Variants in DLGAP2 observed in about 807,000 individuals in gnomAD.
DLGAP2 encodes the protein disks large-associated protein 2.
Under a neutral mutation model 100.3 loss-of-function variants are expected in DLGAP2, and 26 were observed. That is an observed-to-expected ratio of 0.26 (90% CI 0.19 to 0.36). The LOEUF (loss-of-function observed/expected upper bound fraction) is 0.36. Ranked by LOEUF, DLGAP2 falls within the 10% of genes least tolerant of loss-of-function variation. The pLI is 1.00. For missense variants in DLGAP2, 1,858 were observed against 1,453.2 expected (o/e 1.28, Z -4.53); for synonymous variants, 886 against 630.1 (o/e 1.41, Z -6.08).
chr8:1,216,893 T>C (rs952341561), intron 2 of DLGAP2, among the ~76,000 whole-genome samples: 1 of 152,180 alleles, frequency 6.6e-6, no homozygotes, highest in South Asian at 2.1e-4. Context: ...AGGTGTTTAA[T>C]CCCCACACAG....
intron 2 of DLGAP2, chr8:1,032,648 A>C (rs936700876): frequency 3.3e-5 from 5 of 152,334 alleles, no homozygotes; most frequent in African/African-American, 1.2e-4. Flanking sequence ...GTGGACAAGG[A>C]GGAAATATTT....
intron 3 of DLGAP2, among the ~76,000 whole-genome samples, chr8:1,451,623 G>A (rs1334424576): frequency 1.3e-5 from 2 of 151,816 alleles, no homozygotes; most frequent in Admixed American, 6.6e-5. Context: ...GCTTCCCTCC[G>A]CCTCTGTTGC....
intron 2 of DLGAP2, among the ~76,000 whole-genome samples, chr8:971,144 C>T (rs1800004307): frequency 3.9e-5 from 6 of 152,118 alleles, no homozygotes; most frequent in Admixed American, 3.9e-4. Context: ...GTTTCGAGGA[C>T]ACCATCCGGA....
chr8:1,281,420 C>T (rs961479170), intron 3 of DLGAP2, among the ~76,000 whole-genome samples: 1 of 152,178 alleles, frequency 6.6e-6, no homozygotes, highest in African/African-American at 2.4e-5. Context: ...GCTTACAGCT[C>T]AATGCTCAGT....
At chr8:1,666,655 G>A (rs1798551199) in intron 8 of DLGAP2, among the ~76,000 whole-genome samples, 1 of 151,748 alleles carries the variant, frequency 6.6e-6, no homozygotes, top group South Asian at 2.1e-4. Flanking sequence ...ACTCCAGCCT[G>A]GGCAACAGAG....
Position 1,239,937 on chromosome 8 carries a change from C to G in DLGAP2, c.74-18914C>G, listed in dbSNP as rs375632254. On this transcript the variant is annotated intron_variant, in intron 2 of 14. Transcript: ENST00000637795. ...CTCACATGGCACCGTGTCTAGTTCT[C>G]TCACATGTTGCCGTGTCTAGTTCTC... Among the ~76,000 whole-genome samples the G allele has an allele frequency of 6.3e-5, 9 of 143,392 alleles. 1 individual carries two copies. The East Asian group carries it at 1.1e-3, about 17-fold the overall frequency. 94.1% of individuals were successfully genotyped at this position (143,392 alleles called of 152,430 possible). A position where few individuals can be genotyped will look rare whatever the true frequency, so the allele number is the denominator to read the frequency against.
At chr8:1,640,243 G>T (rs1258045696) in intron 8 of DLGAP2, among the ~76,000 whole-genome samples, 6 of 152,150 alleles carry the variant, frequency 3.9e-5, no homozygotes, top group Non-Finnish European at 8.8e-5. Context: ...GGCTCGGGCT[G>T]ATGGACGCTG....
At chr8:1,472,693 C>T (rs1798834481) in intron 3 of DLGAP2, among the ~76,000 whole-genome samples, 1 of 152,142 alleles carries the variant, frequency 6.6e-6, no homozygotes, top group South Asian at 2.1e-4. Flanking sequence ...AGCTGCCAGC[C>T]AGCCACAGTG....
chr8:783,753 C>G (rs1445484812), intron 1 of DLGAP2, among the ~76,000 whole-genome samples: 1 of 152,174 alleles, frequency 6.6e-6, no homozygotes, highest in South Asian at 2.1e-4. Flanking sequence ...TACCCTCCCA[C>G]CACATCCGGA....
intron 1 of DLGAP2, among the ~76,000 whole-genome samples, chr8:754,465 TG>T (rs1264265150): frequency 2.0e-5 from 3 of 152,226 alleles, no homozygotes; most frequent in African/African-American, 7.2e-5. Context: ...CAGTGAGCTT[TG>T]CTTAGAAACA....
At chr8:1,226,937 G>C (rs114583112) in intron 2 of DLGAP2, among the ~76,000 whole-genome samples, 35 of 151,824 alleles carry the variant, frequency 2.3e-4, no homozygotes, top group African/African-American at 8.5e-4. Flanking sequence ...AACAATTATG[G>C]AAAACAGTAT....
At chr8:954,296 C>G (rs1291696101) in intron 2 of DLGAP2, among the ~76,000 whole-genome samples, 1 of 152,162 alleles carries the variant, frequency 6.6e-6, no homozygotes, top group South Asian at 2.1e-4. Context: ...AATAGAACCC[C>G]AGAACCTGTT....
intron 1 of DLGAP2, among the ~76,000 whole-genome samples, chr8:846,895 G>T (rs2128986718): frequency 6.6e-6 from 1 of 152,228 alleles, no homozygotes; most frequent in East Asian, 1.9e-4. Flanking sequence ...CTCTTGTTTT[G>T]TTTAGGGTTA....
chr8:1,635,706 A>C (rs1797750350), intron 8 of DLGAP2, among the ~76,000 whole-genome samples: 1 of 152,256 alleles, frequency 6.6e-6, no homozygotes, highest in African/African-American at 2.4e-5. Context: ...TGTTATTATT[A>C]GATTATTTCA....
intron 2 of DLGAP2, among the ~76,000 whole-genome samples, chr8:975,336 A>G (rs1800135422): frequency 6.6e-6 from 1 of 152,182 alleles, no homozygotes; most frequent in African/African-American, 2.4e-5. Context: ...TTATTTCAGT[A>G]CTCCACAACC....
chr8:1,368,975 G>A (rs1246377395), intron 3 of DLGAP2: 1 of 152,148 alleles, frequency 6.6e-6, no homozygotes, highest in Non-Finnish European at 1.5e-5. Context: ...CACATACTAG[G>A]TGTCACCCTC....
intron 3 of DLGAP2, among the ~76,000 whole-genome samples, chr8:1,329,222 C>G (rs1484535084): frequency 2.0e-5 from 3 of 152,180 alleles, no homozygotes. Context: ...GTCTTTTAGT[C>G]AGTCTTTAAA....
intron 8 of DLGAP2, among the ~76,000 whole-genome samples, chr8:1,653,360 G>A (rs1798210825): frequency 6.6e-6 from 1 of 152,218 alleles, no homozygotes; most frequent in Non-Finnish European, 1.5e-5. Context: ...GGTGCCTGGG[G>A]TCATAGGGCT....
chr8:1,350,231 T>TG (rs1409474169), intron 3 of DLGAP2, among the ~76,000 whole-genome samples: 1 of 108,000 alleles, frequency 9.3e-6, no homozygotes, highest in East Asian at 3.6e-4. Context: ...GTCCTGAGTG[T>TG]GCGTGGAAAG....
Sources: gnomAD v4.1 joint callset for allele counts (sites outside exome capture counted in the v4.1 genomes callset) on GRCh38, gnomAD v4.1.1 for gene constraint, MANE v1.5 for transcripts, NCBI Gene and HGNC (gene_info 2026-07-23, HGNC 2026-07-21) for gene names.